DIXDC1: variants seen among roughly 807,000 people sequenced by gnomAD.
DIXDC1 encodes the protein dixin.
In DIXDC1, 64 loss-of-function variants were observed where a neutral mutation model predicts 103.1. The observed-to-expected ratio is 0.62, with a 90% CI of 0.51 to 0.76. The LOEUF is 0.76. Ranked by LOEUF, DIXDC1 falls within the 30% of genes least tolerant of loss-of-function variation. The pLI is 0.00. For synonymous variants in DIXDC1, 266 were observed against 298.5 expected (o/e 0.89, Z 1.12); for missense variants, 759 against 834.2 (o/e 0.91, Z 1.11).
chr11:111,937,011 G>A (rs1966212105), upstream of DIXDC1, among the ~76,000 whole-genome samples: 1 of 151,066 alleles, frequency 6.6e-6, no homozygotes, highest in Non-Finnish European at 1.5e-5. Context: ...GTGTGTATGT[G>A]TGTATGTGTG....
chr11:111,929,939 G>C, intron 2 of DIXDC1: 2 of 1,528,844 alleles, frequency 1.3e-6, no homozygotes, highest in Non-Finnish European at 1.8e-6. Flanking sequence ...ATTGTGAAAA[G>C]CGTGATGATG....
At chr11:111,953,439 C>T (rs1966849574) in intron 1 of DIXDC1, among the ~76,000 whole-genome samples, 1 of 152,132 alleles carries the variant, frequency 6.6e-6, no homozygotes. Context: ...GAGTTTGAGA[C>T]CAGCCTGGCC....
At chr11:111,993,854 T>G (rs1860792935) in intron 14 of DIXDC1, 114 bp downstream of exon 14, 1 of 1,196,366 alleles carries the variant, frequency 8.4e-7, no homozygotes, top group Non-Finnish European at 1.2e-6. Context: ...GGCTCTATGA[T>G]GAGCTAGTTA....
chr11:112,003,902 G>T (rs1270292547), intron 17 of DIXDC1, among the ~76,000 whole-genome samples: 14 of 151,478 alleles, frequency 9.2e-5, no homozygotes, highest in Non-Finnish European at 1.8e-4. Flanking sequence ...CACGAGCCAG[G>T]CATGGTGGGC....
At chr11:112,004,869 C>T (rs191342122) in intron 17 of DIXDC1, among the ~76,000 whole-genome samples, 3 of 151,932 alleles carry the variant, frequency 2.0e-5, no homozygotes, top group East Asian at 1.9e-4. Context: ...CTGTCCCTAC[C>T]GATGGCCTGG....
upstream of DIXDC1, chr11:111,937,147 G>A (rs1292594405): frequency 1.3e-6 from 1 of 771,780 alleles, no homozygotes; most frequent in Non-Finnish European, 1.6e-6. Flanking sequence ...GGGGGTGTGC[G>A]CGTGCGTGCG....
Position 111,976,823 on chromosome 11 carries a change from T to C in DIXDC1, c.656+1840T>C, listed in dbSNP as rs1555172651. The C allele has an allele frequency of 1.3e-5, 2 of 152,352 alleles. No homozygotes were observed. Among genetic ancestry groups the C allele is most frequent in the Non-Finnish European group, 2.9e-5 (2 of 68,080 alleles). 9.4% of individuals were successfully genotyped at this position (152,352 alleles called of 1,614,324 possible). ...AGCCTCACATTGTAGCCAAGCAAAA[T>C]GATCCTTAGTTGGTTAAAAAGAACA... On this transcript the variant is annotated intron_variant, in intron 5 of 19. Transcript: ENST00000440460. The surrounding 1 kb of genome is among the most constrained non-coding windows in gnomAD (Gnocchi z 4.3).
In DIXDC1 at chr11:111,993,791, G is replaced by C; in HGVS notation, c.1437+51G>C. On this transcript the variant is annotated intron_variant, in intron 14 of 19. Transcript: ENST00000440460. ...CCCACATTTATGAAGCAAACGGGGAGATTGTGTTTCTGACTCAGAGCTGAA... is the reference window on the plus strand; with the variant it reads ...CCCACATTTATGAAGCAAACGGGGACATTGTGTTTCTGACTCAGAGCTGAA... The C allele has an allele frequency of 3.1e-6, 5 of 1,593,208 alleles. No homozygotes were observed. In the South Asian group the frequency reaches 5.7e-5, roughly 18 times the overall value.
chr11:111,933,415 G>A (rs587747239), upstream of DIXDC1, among the ~76,000 whole-genome samples: 41 of 152,180 alleles, frequency 2.7e-4, no homozygotes, highest in Non-Finnish European at 3.8e-4. Flanking sequence ...GATTACAGGC[G>A]TGAGCCACCG....
At position 111,977,459 on chromosome 11, in the gene DIXDC1, C is replaced by T. The variant is rs1176024648; in HGVS notation, c.656+2476C>T. ...TGCGTCCGCGGAGGCCAAGATGCAGCGGCCAGGGGCCGGCAGCCTGCGAGG... is the reference window on the plus strand; with the variant it reads ...TGCGTCCGCGGAGGCCAAGATGCAGTGGCCAGGGGCCGGCAGCCTGCGAGG... On this transcript the variant is annotated intron_variant, in intron 5 of 19. Coordinates refer to ENST00000440460, the MANE Select transcript of DIXDC1 (RefSeq NM_001037954.4). The surrounding 1 kb of genome is among the most constrained non-coding windows in gnomAD (Gnocchi z 6.1). The T allele has an allele frequency of 1.2e-5, 15 of 1,272,914 alleles. No homozygotes were observed. Among genetic ancestry groups the T allele is most frequent in the Non-Finnish European group, 1.5e-5 (15 of 1,008,886 alleles). 78.9% of individuals were successfully genotyped at this position (1,272,914 alleles called of 1,614,324 possible).
chr11:112,013,007 A>G (rs1050667494), intron 17 of DIXDC1, among the ~76,000 whole-genome samples: 6 of 152,148 alleles, frequency 3.9e-5, no homozygotes, highest in Non-Finnish European at 8.8e-5. Context: ...GCCATTGCAA[A>G]ATACCTTCAA....
In DIXDC1 at chr11:111,974,857, TG is replaced by T; in HGVS notation, c.549-15del. 1.9e-6 allele frequency: 3 copies of T among 1,611,600 alleles called. No individual in the cohort carries two copies. The highest frequency in any genetic ancestry group is 1.3e-5 in the African/African-American group (1 of 75,010). ...TGAAGGACTGACACCTTCCCTTTGCTGGGGTCCTTTGACTTTAGGAACAGCA... is the reference window on the plus strand; with the variant it reads ...TGAAGGACTGACACCTTCCCTTTGCTGGGTCCTTTGACTTTAGGAACAGCA... On this transcript the variant is annotated intron_variant, in intron 4 of 19. Coordinates refer to ENST00000440460, the MANE Select transcript of DIXDC1 (RefSeq NM_001037954.4).
At chr11:111,970,109 TCA>T (rs1249127212) in intron 3 of DIXDC1, among the ~76,000 whole-genome samples, 7 of 152,186 alleles carry the variant, frequency 4.6e-5, no homozygotes, top group African/African-American at 1.7e-4. Flanking sequence ...AGACTGGAGT[TCA>T]GTGTCGTGAT....
chr11:111,955,468 G>A (rs900879222), intron 1 of DIXDC1, among the ~76,000 whole-genome samples: 1 of 151,982 alleles, frequency 6.6e-6, no homozygotes, highest in East Asian at 1.9e-4. Flanking sequence ...GTGTCAGAAA[G>A]TAAGTACTCA....
chr11:111,941,868 A>ACACC (rs1555168893), intron 1 of DIXDC1, among the ~76,000 whole-genome samples: 2 of 151,480 alleles, frequency 1.3e-5, no homozygotes, highest in East Asian at 1.9e-4. Flanking sequence ...ACACACACAC[A>ACACC]CACACCCACG....
chr11:111,989,919 G>C (rs1368398288), intron 10 of DIXDC1, among the ~76,000 whole-genome samples: 1 of 149,678 alleles, frequency 6.7e-6, no homozygotes, highest in Non-Finnish European at 1.5e-5. Flanking sequence ...CTCCCAAGTA[G>C]CTGGGTCTAC....
At chr11:111,943,434 G>T (rs145533889) in intron 1 of DIXDC1, among the ~76,000 whole-genome samples, 1 of 150,660 alleles carries the variant, frequency 6.6e-6, no homozygotes, top group Non-Finnish European at 1.5e-5. Context: ...ATGAACCACC[G>T]CGCCCGGCTA....
At chr11:111,985,208 C>T in intron 7 of DIXDC1, 24 bp from the exon 8 acceptor site, 1 of 1,594,602 alleles carries the variant, frequency 6.3e-7, no homozygotes, top group Non-Finnish European at 8.6e-7. Context: ...AGTTAAGTTT[C>T]TTTCTGCCTT....
chr11:111,941,457 C>T (rs1966412355), intron 1 of DIXDC1, among the ~76,000 whole-genome samples: 1 of 152,096 alleles, frequency 6.6e-6, no homozygotes, highest in Non-Finnish European at 1.5e-5. Context: ...ACCAGTTTTC[C>T]TCCAAGTAGA....
Sources: gnomAD v4.1 joint callset for allele counts (sites outside exome capture counted in the v4.1 genomes callset) on GRCh38, gnomAD v4.1.1 for gene constraint, Gnocchi (gnomAD v3.1) non-coding constraint, MANE v1.5 for transcripts, NCBI Gene and HGNC (gene_info 2026-07-23, HGNC 2026-07-21) for gene names.